ZNF20: variants seen among roughly 807,000 people sequenced by gnomAD.
ZNF20 encodes the protein zinc finger protein 20.
In ZNF20, 9 loss-of-function variants were observed where a neutral mutation model predicts 11.0. That is an observed-to-expected ratio of 0.82 (90% CI 0.49 to 1.43). ZNF20 has a LOEUF of 1.43. Ranked by LOEUF, ZNF20 falls within the 40% of genes most tolerant of loss-of-function variation. ZNF20 has a pLI of 0.00. For missense variants in ZNF20, 528 were observed against 640.8 expected, an observed-to-expected ratio of 0.82 and a Z score of 1.90; for synonymous variants, 182 against 213.0, an observed-to-expected ratio of 0.85 and a Z score of 1.27.
chr19:12,136,720 C>A lies in ZNF20; in HGVS notation c.4-816G>T, dbSNP rs139408256. The A allele has an allele frequency of 1.6e-3, 337 of 217,390 alleles. 2 individuals are homozygous for A. Among genetic ancestry groups the A allele is most frequent in the African/African-American group, 7.4e-3 (311 of 42,246 alleles). 13.5% of individuals were successfully genotyped at this position (217,390 alleles called of 1,614,324 possible). A position where few individuals can be genotyped will look rare whatever the true frequency, so the allele number is the denominator to read the frequency against. On this transcript the variant is annotated intron_variant, in intron 1 of 3. Transcript: ENST00000334213. The stretch of plus-strand genomic sequence containing the variant: ...TAAAATAAAATAAAATAAATAAAAT[C>A]TATACTAATCAAGAGAAAATGGTAT...
chr19:12,133,408 A>T lies in ZNF20; in HGVS notation c.778T>A (p.Cys260Ser). The T allele has an allele frequency of 2.5e-6, 4 of 1,614,110 alleles. No individual in the cohort carries two copies. The highest frequency in any genetic ancestry group is 3.4e-6 in the Non-Finnish European group (4 of 1,179,966). ...CTAGGAAAACTGAATGCATTCCCAC[A>T]TTCTTTACATTCATCGGCATTCACT... ...TGVNADECKE[C>S]GNAFSFPSEI... Residue 260 changes from cysteine to serine, a missense_variant, in exon 4 of 4, where the codon TGT (cysteine) becomes AGT (serine). Physicochemically the swap from Cys to Ser is moderately radical, Grantham distance 112. Transcript: ENST00000334213.
At chr19:12,136,859 A>G (rs576878722) in intron 1 of ZNF20, 21 of 449,716 alleles carry the variant, frequency 4.7e-5, no homozygotes, top group South Asian at 3.0e-4. Context: ...ACCAGAAGGA[A>G]CAGGGACAGA....
At chr19:12,135,674 G>C in intron 2 of ZNF20, 95 bp downstream of exon 2, 1 of 1,591,004 alleles carries the variant, frequency 6.3e-7, no homozygotes, top group South Asian at 1.1e-5. Context: ...ATTCATCAAA[G>C]TATTTTTTGT....
chr19:12,133,186 T>A lies in ZNF20; in HGVS notation c.1000A>T (p.Thr334Ser), dbSNP rs751887439. ...CTACATTCATAGGGTTTCTCTCCAGTGTGAGTCCTTCCATGCTTTTGAAGG... is the reference window on the plus strand; with the variant it reads ...CTACATTCATAGGGTTTCTCTCCAGAGTGAGTCCTTCCATGCTTTTGAAGG... The part of the protein sequence containing the change: ...SHLQKHGRTH[T>S]GEKPYECRQC... Residue 334 changes from threonine (T) to serine (S), a missense_variant, in exon 4 of 4, where the codon ACT becomes TCT. Physicochemically the swap from Thr to Ser is moderately conservative, Grantham distance 58. Transcript: ENST00000334213. 7 of 1,613,774 alleles carry A rather than the reference T, an allele frequency of 4.3e-6. No individual in the cohort carries two copies.
chr19:12,133,802 A>C lies in ZNF20; in HGVS notation c.384T>G (p.Thr128=). 6.2e-7 allele frequency: 1 copy of C among 1,614,204 alleles called. No individual in the cohort carries two copies. Among genetic ancestry groups the C allele is most frequent in the Non-Finnish European group, 8.5e-7 (1 of 1,180,030 alleles). Residue 128 remains threonine, a synonymous_variant, in exon 4 of 4, where the codon ACT becomes ACG. Coordinates refer to ENST00000334213, the MANE Select transcript of ZNF20 (RefSeq NM_021143.4). ...SSLNTHIRAD[T]GHKSSEYQEY... is the part of the protein sequence containing the mutation. ...CCTGATACTCAGATGACTTGTGTCC[A>C]GTGTCAGCTCTGATATGCGTATTAA...
intron 1 of ZNF20, 133 bp from the exon 2 acceptor site, chr19:12,136,037 G>C: frequency 2.5e-6 from 3 of 1,208,896 alleles, no homozygotes; most frequent in Admixed American, 2.9e-5. Context: ...CTTACTTTCT[G>C]TCTATACTCA....
intron 1 of ZNF20, among the ~76,000 whole-genome samples, chr19:12,136,664 G>C (rs565987407): frequency 6.6e-6 from 1 of 152,220 alleles, no homozygotes; most frequent in Non-Finnish European, 1.5e-5. Context: ...TCCAGCCTGG[G>C]CAACAAGAGT....
Position 12,139,704 on chromosome 19 carries a change from G to A in ZNF20, c.3+476C>T, listed in dbSNP as rs1189911882. Reference sequence around the variant, plus strand: ...TGCCACCATGCCCGGCTAATTTTTTGTATTTTTAGTAGAGACGGGGTTTCA... The same window carrying A: ...TGCCACCATGCCCGGCTAATTTTTTATATTTTTAGTAGAGACGGGGTTTCA... On this transcript the variant is annotated intron_variant, in intron 1 of 3. Coordinates refer to ENST00000334213, the MANE Select transcript of ZNF20 (RefSeq NM_021143.4). This position sits in a 1 kb window ranked among gnomAD's most constrained non-coding sequence, Gnocchi z 4.0. Among the ~76,000 whole-genome samples, 1 of 151,806 alleles carries A rather than the reference G, an allele frequency of 6.6e-6. No individual in the cohort carries two copies. The highest frequency in any genetic ancestry group is 2.4e-5 in the African/African-American group (1 of 41,314).
At chr19:12,138,881 C>A (rs977370107) in intron 1 of ZNF20, among the ~76,000 whole-genome samples, 1 of 151,786 alleles carries the variant, frequency 6.6e-6, no homozygotes, top group Admixed American at 6.6e-5. Context: ...TTTGGAGATG[C>A]GGAAAAGTAA....
Position 12,132,830 on chromosome 19 carries a change from C to T in ZNF20, c.1356G>A (p.Glu452=). The T allele has an allele frequency of 1.2e-6, 2 of 1,613,708 alleles. No individual in the cohort carries two copies. The highest frequency in any genetic ancestry group is 1.3e-5 in the African/African-American group (1 of 74,892). The part of the protein sequence containing the change: ...ERTHTGDKPY[E]CKVCGKAFTC... ...TGAAGGCTTTGCCACATACCTTACA[C>T]TCATATGGCTTATCTCCAGTGTGTG... Residue 452 remains glutamate (E), a synonymous_variant, in exon 4 of 4, where the codon GAG becomes GAA. Transcript: ENST00000334213.
chr19:12,132,493 T>C lies in ZNF20; in HGVS notation c.*94A>G. The C allele has an allele frequency of 7.7e-7, 1 of 1,290,364 alleles. No individual in the cohort carries two copies. The highest frequency in any genetic ancestry group is 1.5e-5 in the South Asian group (1 of 66,518). 79.9% of individuals were successfully genotyped at this position (1,290,364 alleles called of 1,614,324 possible). ...CTCTCTTCTCAATTCAAAAAGCAGT[T>C]ATCCAGAGGTTCTTTCACCACTCTC... On this transcript the variant is annotated 3_prime_UTR_variant, in exon 4 of 4. Transcript: ENST00000334213.
chr19:12,132,829 A>G lies in ZNF20; in HGVS notation c.1357T>C (p.Cys453Arg). The change falls in exon 4 of 4, where the codon TGT (cysteine) becomes CGT (arginine). Residue 453 changes from cysteine to arginine, a missense_variant. Coordinates refer to ENST00000334213, the MANE Select transcript of ZNF20 (RefSeq NM_021143.4). ...RTHTGDKPYE[C>R]KVCGKAFTCS... is the part of the protein sequence containing the mutation. Reference sequence around the variant, plus strand: ...GTGAAGGCTTTGCCACATACCTTACACTCATATGGCTTATCTCCAGTGTGT... The same window carrying G: ...GTGAAGGCTTTGCCACATACCTTACGCTCATATGGCTTATCTCCAGTGTGT... 1.2e-6 allele frequency: 2 copies of G among 1,613,746 alleles called. No individual in the cohort carries two copies. The highest frequency in any genetic ancestry group is 1.7e-6 in the Non-Finnish European group (2 of 1,179,940).
Position 12,133,055 on chromosome 19 carries a change from T to C in ZNF20, c.1131A>G (p.Arg377=), listed in dbSNP as rs188768884. ...CATGAATTTGAAGTTGTGAAGCACA[T>C]CTAAAGCCTTTCCCACACTGCTTAC... ...YGCKQCGKGF[R]CASQLQIHER... Residue 377 remains arginine (R), a synonymous_variant, in exon 4 of 4, where the codon AGA becomes AGG. Coordinates refer to ENST00000334213, the MANE Select transcript of ZNF20 (RefSeq NM_021143.4). The C allele has an allele frequency of 6.9e-4, 1,111 of 1,614,046 alleles. 6 individuals are homozygous for C. The Admixed American group carries it at 0.012, about 18-fold the overall frequency.
At chr19:12,137,172 C>T (rs1006302284) in intron 1 of ZNF20, 6 of 159,266 alleles carry the variant, frequency 3.8e-5, no homozygotes, top group African/African-American at 9.7e-5. Context: ...CGGGTGTGTG[C>T]GTGCCTGTAA....
intron 1 of ZNF20, among the ~76,000 whole-genome samples, 152 bp downstream of exon 1, chr19:12,140,028 G>A (rs1455823072): frequency 6.6e-6 from 1 of 152,156 alleles, no homozygotes; most frequent in African/African-American, 2.4e-5. Context: ...CGCACCCTGC[G>A]GCCGAGGGGA....
rs746132891 is a variant in ZNF20, at chr19:12,132,636, C to T, written c.1550G>A (p.Arg517His). 23 of 1,611,246 alleles carry T rather than the reference C, an allele frequency of 1.4e-5. No homozygotes were observed. Among genetic ancestry groups the T allele is most frequent in the Admixed American group, 3.4e-5 (2 of 59,172 alleles). ...TTCATGTTCTCGACATGAACTGGCA[C>T]GAATAAAGGCTTTGCCACATTGCTT... ...QCKQCGKAFI[R>H]ASSCREHERT... is the part of the protein sequence containing the mutation. Residue 517 changes from arginine to histidine, a missense_variant, in exon 4 of 4, where the codon CGT (arginine) becomes CAT (histidine). Transcript: ENST00000334213.
Position 12,133,417 on chromosome 19 carries a change from A to G in ZNF20, c.769T>C (p.Cys257Arg), listed in dbSNP as rs201217406. 600 of 1,613,926 alleles carry G rather than the reference A, an allele frequency of 3.7e-4. 1 individual carries two copies. The highest frequency in any genetic ancestry group is 4.6e-4 in the Non-Finnish European group (545 of 1,179,920). Residue 257 changes from cysteine (C) to arginine (R), a missense_variant, in exon 4 of 4, where the codon TGT becomes CGT. Coordinates refer to ENST00000334213, the MANE Select transcript of ZNF20 (RefSeq NM_021143.4). ...CTGAATGCATTCCCACATTCTTTAC[A>G]TTCATCGGCATTCACTCCTGTGTGA... is the stretch of plus-strand genomic sequence containing the variant. ...RTHTGVNADE[C>R]KECGNAFSFP... is the part of the protein sequence containing the mutation.
At chr19:12,138,997 C>T (rs894949801) in intron 1 of ZNF20, among the ~76,000 whole-genome samples, 1 of 152,134 alleles carries the variant, frequency 6.6e-6, no homozygotes, top group East Asian at 1.9e-4. Flanking sequence ...GAAGCCAGTC[C>T]CTATAGACAG....
chr19:12,140,265 AAGT>A lies in ZNF20; in HGVS notation c.-86_-84del. ...CACGGTGCAGGCGGCAGAGCGACAG[AAGT>A]TGTGGCAGAGGGACCCGGGGCCTCT... On this transcript the variant is annotated 5_prime_UTR_variant, in exon 1 of 4. Coordinates refer to ENST00000334213, the MANE Select transcript of ZNF20 (RefSeq NM_021143.4). 6.4e-7 allele frequency: 1 copy of A among 1,556,032 alleles called. No individual in the cohort carries two copies. Among genetic ancestry groups the A allele is most frequent in the East Asian group, 2.4e-5 (1 of 41,908 alleles).
Sources: gnomAD v4.1 joint callset for allele counts (sites outside exome capture counted in the v4.1 genomes callset) on GRCh38, gnomAD v4.1.1 for gene constraint, Gnocchi (gnomAD v3.1) non-coding constraint, MANE v1.5 for transcripts, NCBI Gene and HGNC (gene_info 2026-07-23, HGNC 2026-07-21) for gene names.